Variants in SESTD1 observed in about 807,000 individuals in gnomAD.
The protein encoded by SESTD1 is SEC14 and spectrin domain containing 1, also known as SEC14 domain and spectrin repeat-containing protein 1.
A neutral mutation model predicts 101.7 loss-of-function variants in SESTD1; 43 were observed. The observed-to-expected ratio is 0.42, with a 90% CI of 0.33 to 0.55. The LOEUF is 0.55. SESTD1 is among the 20% of genes least tolerant of loss of function. The pLI is 0.07. For missense variants in SESTD1, 647 were observed against 815.1 expected (o/e 0.79, Z 2.51); for synonymous variants, 283 against 286.8 (o/e 0.99, Z 0.13).
At chr2:179,131,312 C>G (rs1461760732) in intron 10 of SESTD1, among the ~76,000 whole-genome samples, 1 of 152,102 alleles carries the variant, frequency 6.6e-6, no homozygotes, top group African/African-American at 2.4e-5. Context: ...TTTACTCATT[C>G]ATTCAAATTT....
In SESTD1 at chr2:179,151,392, C is replaced by A; in HGVS notation, c.370-1G>T. 1 of 1,584,114 alleles carries A rather than the reference C, an allele frequency of 6.3e-7. No homozygotes were observed. The highest frequency in any genetic ancestry group is 2.3e-5 in the East Asian group (1 of 44,020). On this transcript the variant is annotated splice_acceptor_variant, in intron 5 of 17. Transcript: ENST00000428443. LOFTEE classifies it high-confidence loss of function. ...ATTTGTTGGCGGACACTAAAATAAC[C>A]TATAAAAAGGTTAAAAGAAAAGAAA...
chr2:179,189,628 A>C (rs919266649), intron 2 of SESTD1, among the ~76,000 whole-genome samples: 1 of 152,146 alleles, frequency 6.6e-6, no homozygotes, highest in African/African-American at 2.4e-5. Flanking sequence ...GAGGAGTCAA[A>C]TTATTGCTCT....
chr2:179,208,207 A>C (rs2046612662), intron 1 of SESTD1, among the ~76,000 whole-genome samples: 1 of 135,032 alleles, frequency 7.4e-6, no homozygotes, highest in Non-Finnish European at 1.6e-5. Context: ...AACAAGCCTC[A>C]AAGGAATTTG....
chr2:179,154,389 G>C (rs2045587367), intron 5 of SESTD1, among the ~76,000 whole-genome samples: 1 of 152,088 alleles, frequency 6.6e-6, no homozygotes, highest in African/African-American at 2.4e-5. Context: ...TGTATTACTG[G>C]ATAGACAAAT....
At chr2:179,239,075 T>C (rs935935206) in intron 1 of SESTD1, among the ~76,000 whole-genome samples, 6 of 152,196 alleles carry the variant, frequency 3.9e-5, no homozygotes, top group Admixed American at 2.6e-4. Context: ...ATTATCTATA[T>C]TTGTGCCAAC....
intron 12 of SESTD1, among the ~76,000 whole-genome samples, chr2:179,122,895 C>CA (rs1020107207): frequency 9.9e-5 from 15 of 152,054 alleles, no homozygotes; most frequent in South Asian, 6.2e-4. Context: ...GACTCCATCT[C>CA]AAAAAAATAA....
At chr2:179,182,728 C>T (rs574081998) in intron 3 of SESTD1, among the ~76,000 whole-genome samples, 5 of 152,124 alleles carry the variant, frequency 3.3e-5, no homozygotes, top group Admixed American at 1.3e-4. Context: ...AACCTGCAGA[C>T]GTATTTATAT....
chr2:179,123,408 C>G (rs1055902622), intron 12 of SESTD1, among the ~76,000 whole-genome samples: 2 of 152,160 alleles, frequency 1.3e-5, no homozygotes, highest in African/African-American at 4.8e-5. Context: ...CAGCTAATTA[C>G]AGTTCATGCA....
intron 4 of SESTD1, among the ~76,000 whole-genome samples, chr2:179,172,501 C>T (rs1255858330): frequency 6.6e-6 from 1 of 152,062 alleles, no homozygotes; most frequent in Non-Finnish European, 1.5e-5. Context: ...AATCTCTGTA[C>T]TAGGAATATG....
intron 2 of SESTD1, among the ~76,000 whole-genome samples, chr2:179,186,945 C>A (rs2046242043): frequency 6.6e-6 from 1 of 151,934 alleles, no homozygotes; most frequent in East Asian, 1.9e-4. Context: ...ACATTATAAG[C>A]CAAAAGAGAC....
At chr2:179,175,946 G>A (rs975314039) in intron 4 of SESTD1, among the ~76,000 whole-genome samples, 13 of 152,086 alleles carry the variant, frequency 8.5e-5, no homozygotes, top group African/African-American at 2.9e-4. Context: ...GTTTCTTCTG[G>A]GCTACAAATA....
At chr2:179,232,173 TA>T (rs1471807286) in intron 1 of SESTD1, among the ~76,000 whole-genome samples, 1 of 152,062 alleles carries the variant, frequency 6.6e-6, no homozygotes, top group African/African-American at 2.4e-5. Context: ...ACTCTGATCA[TA>T]ATTCTAACAA....
chr2:179,196,187 G>T (rs931123801), intron 1 of SESTD1, among the ~76,000 whole-genome samples: 1 of 152,250 alleles, frequency 6.6e-6, no homozygotes, highest in East Asian at 1.9e-4. Flanking sequence ...GTCAAAGAAC[G>T]GGGTGACAGA....
At chr2:179,204,157 G>A (rs2886855) in intron 1 of SESTD1, among the ~76,000 whole-genome samples, 1 of 134,178 alleles carries the variant, frequency 7.5e-6, no homozygotes, top group African/African-American at 3.0e-5. Context: ...GATGAAAAAA[G>A]AAAGAACTTT....
intron 1 of SESTD1, 75 bp from the exon 2 acceptor site, chr2:179,191,941 T>G (rs927483517): frequency 2.8e-5 from 28 of 1,018,070 alleles, no homozygotes; most frequent in Non-Finnish European, 4.2e-5. Flanking sequence ...TGATGGTTTA[T>G]CCCAGAGTTT....
At chr2:179,249,205 T>A (rs1324855832) in intron 1 of SESTD1, among the ~76,000 whole-genome samples, 10 of 90,176 alleles carry the variant, frequency 1.1e-4, no homozygotes, top group South Asian at 3.6e-4. Flanking sequence ...ATAAAAGGCA[T>A]ACAGATTAAA....
At chr2:179,221,363 A>C (rs1177623199) in intron 1 of SESTD1, among the ~76,000 whole-genome samples, 1 of 151,818 alleles carries the variant, frequency 6.6e-6, no homozygotes, top group East Asian at 1.9e-4. Flanking sequence ...CTGTAATCCT[A>C]GCACTTTGGG....
chr2:179,173,405 T>C (rs2045958207), intron 4 of SESTD1, among the ~76,000 whole-genome samples: 1 of 152,188 alleles, frequency 6.6e-6, no homozygotes, highest in Admixed American at 6.6e-5. Flanking sequence ...ACCTTCCCAA[T>C]GGCAGGTACC....
chr2:179,149,494 T>G, intron 6 of SESTD1, 100 bp from the exon 7 acceptor site: 2 of 749,586 alleles, frequency 2.7e-6, no homozygotes, highest in South Asian at 2.2e-5. Flanking sequence ...AGCTAGGATA[T>G]GTTTTCCTTC....
Sources: allele counts gnomAD v4.1 joint callset (sites outside exome capture counted in the v4.1 genomes callset), GRCh38; gene constraint gnomAD v4.1.1; transcripts MANE v1.5; gene names NCBI Gene and HGNC (gene_info 2026-07-23, HGNC 2026-07-21).